Variants in NTNG2 observed in about 807,000 individuals in gnomAD.
The protein encoded by NTNG2 is netrin-G2.
Under a neutral mutation model 47.6 loss-of-function variants are expected in NTNG2, and 15 were observed. That is an observed-to-expected ratio of 0.32 (90% CI 0.21 to 0.49). The LOEUF (loss-of-function observed/expected upper bound fraction) is 0.49, where lower values mean the gene tolerates loss of function less well. Among genes scored for constraint, NTNG2 ranks in the 20% least tolerant of loss-of-function variants. The pLI, the probability that NTNG2 is intolerant of heterozygous loss-of-function variation, is 0.99. For missense variants in NTNG2, 578 were observed against 764.6 expected, an observed-to-expected ratio of 0.76 and a Z score of 2.88; for synonymous variants, 307 against 324.6, an observed-to-expected ratio of 0.95 and a Z score of 0.58.
rs540899831 is a variant in NTNG2, at chr9:132,164,726, G to A, written c.-483-1623G>A. ...CAGGTTCCCCTTTAAACAGCCAGAG[G>A]TGAGACGGGGAAAATGGTCCTGGCT... On this transcript the variant is annotated intron_variant, in intron 1 of 7. Transcript: ENST00000393229. 2.6e-5 allele frequency among the ~76,000 whole-genome samples: 4 copies of A among 152,376 alleles called. No individual in the cohort carries two copies. The South Asian group carries it at 8.3e-4, about 32-fold the overall frequency.
In NTNG2 at chr9:132,200,564, G is replaced by A. The variant is rs551929765; in HGVS notation, c.857+1955G>A. 2.0e-5 allele frequency among the ~76,000 whole-genome samples: 3 copies of A among 152,384 alleles called. No individual in the cohort carries two copies. The South Asian group carries it at 6.2e-4, about 32-fold the overall frequency. The stretch of plus-strand genomic sequence containing the variant: ...GAAGCCCGTTTGCCAGCCATGTGCT[G>A]TGGTGATGCCTGTGCCGTGAGGCTG... On this transcript the variant is annotated intron_variant, in intron 3 of 7. Transcript: ENST00000393229.
intron 3 of NTNG2, among the ~76,000 whole-genome samples, chr9:132,200,400 C>T (rs1459078690): frequency 6.6e-6 from 1 of 152,224 alleles, no homozygotes; most frequent in Admixed American, 6.5e-5. Context: ...AAGTGATTTG[C>T]CGTATGGCAG....
chr9:132,168,826 C>T (rs932985388), intron 2 of NTNG2, among the ~76,000 whole-genome samples: 1 of 152,190 alleles, frequency 6.6e-6, no homozygotes, highest in Non-Finnish European at 1.5e-5. Context: ...ACTGCCTTAA[C>T]GTGCTTGGGG....
intron 3 of NTNG2, among the ~76,000 whole-genome samples, chr9:132,222,144 C>G (rs937945531): frequency 6.6e-6 from 1 of 152,190 alleles, no homozygotes; most frequent in African/African-American, 2.4e-5. Context: ...CTTGTCAGAG[C>G]CTTTAATCTG....
chr9:132,234,120 C>A (rs932497860), intron 5 of NTNG2, among the ~76,000 whole-genome samples: 2 of 151,926 alleles, frequency 1.3e-5, no homozygotes, highest in Admixed American at 6.6e-5. Context: ...CTCCGCCCCC[C>A]CAGGTTCAAG....
intron 2 of NTNG2, among the ~76,000 whole-genome samples, chr9:132,170,205 T>G (rs1192983087): frequency 1.3e-5 from 2 of 152,250 alleles, no homozygotes; most frequent in Non-Finnish European, 2.9e-5. Flanking sequence ...CCAGGCTTCC[T>G]GTCCTTCAGC....
chr9:132,242,548 C>T lies in NTNG2; in HGVS notation c.*437C>T, dbSNP rs1229296254. 2 of 152,340 alleles carry T rather than the reference C, an allele frequency of 1.3e-5. No individual in the cohort carries two copies. Among genetic ancestry groups the T allele is most frequent in the Non-Finnish European group, 2.9e-5 (2 of 68,154 alleles). 9.4% of individuals were successfully genotyped at this position (152,340 alleles called of 1,614,324 possible). The stretch of plus-strand genomic sequence containing the variant: ...ACGGGCGGCGGCGGACCCCGACCTC[C>T]AGTTGCCTACAATTCCAGTCGCTGA... On this transcript the variant is annotated 3_prime_UTR_variant, in exon 8 of 8. Transcript: ENST00000393229. The surrounding 1 kb of genome is among the most constrained non-coding windows in gnomAD (Gnocchi z 5.9).
intron 2 of NTNG2, among the ~76,000 whole-genome samples, chr9:132,191,102 G>A (rs774091373): frequency 2.0e-5 from 3 of 152,216 alleles, no homozygotes; most frequent in Non-Finnish European, 4.4e-5. Context: ...GCCTCCTGTG[G>A]GTTGCTGAGA....
intron 2 of NTNG2, among the ~76,000 whole-genome samples, chr9:132,179,726 G>A (rs1836787623): frequency 6.6e-6 from 1 of 152,228 alleles, no homozygotes; most frequent in Non-Finnish European, 1.5e-5. Flanking sequence ...AGGTCAGAGT[G>A]CAGATGAGGA....
At chr9:132,173,456 T>C (rs993869902) in intron 2 of NTNG2, among the ~76,000 whole-genome samples, 3 of 152,186 alleles carry the variant, frequency 2.0e-5, no homozygotes, top group Admixed American at 2.0e-4. Context: ...ATGGGACATC[T>C]TTCCAAAGAA....
chr9:132,174,021 TGGAC>T, intron 2 of NTNG2, among the ~76,000 whole-genome samples: 1 of 101,178 alleles, frequency 9.9e-6, no homozygotes, highest in South Asian at 3.8e-4. Context: ...GACGGACGGA[TGGAC>T]GGACAGGCAG....
chr9:132,179,152 C>T (rs897312672), intron 2 of NTNG2, among the ~76,000 whole-genome samples: 4 of 151,928 alleles, frequency 2.6e-5, no homozygotes, highest in African/African-American at 9.7e-5. Context: ...GACAGGGGCC[C>T]TCCCCAACCA....
intron 5 of NTNG2, among the ~76,000 whole-genome samples, chr9:132,235,457 A>G (rs910761749): frequency 2.6e-5 from 4 of 152,202 alleles, no homozygotes; most frequent in Non-Finnish European, 5.9e-5. Context: ...CCACAGGCTG[A>G]AATAGTGTAG....
intron 4 of NTNG2, among the ~76,000 whole-genome samples, chr9:132,229,102 C>T (rs1047977629): frequency 6.6e-6 from 1 of 152,078 alleles, no homozygotes; most frequent in Non-Finnish European, 1.5e-5. Context: ...TGGGAGTCCC[C>T]GGGAATTGCC....
Position 132,198,130 on chromosome 9 carries a change from G to A in NTNG2, c.378G>A (p.Ser126=), listed in dbSNP as rs748108838. The part of the protein sequence containing the change: ...PSPLEANITL[S]WNKTVELTDD... ...CGCTGGAAGCCAACATCACCCTTTC[G>A]TGGAACAAGACCGTGGAGCTGACCG... Residue 126 remains serine (S), a synonymous_variant, in exon 3 of 8, where the codon TCG becomes TCA. Transcript: ENST00000393229. 3.1e-6 allele frequency: 5 copies of A among 1,613,842 alleles called. No homozygotes were observed. The highest frequency in any genetic ancestry group is 2.2e-5 in the East Asian group (1 of 44,868).
At chr9:132,189,158 C>A (rs1250747731) in intron 2 of NTNG2, among the ~76,000 whole-genome samples, 2 of 142,440 alleles carry the variant, frequency 1.4e-5, no homozygotes, top group Non-Finnish European at 3.0e-5. Context: ...CTCACTACAG[C>A]CTCGACCTCC....
At chr9:132,230,936 C>T (rs1158575949) in intron 5 of NTNG2, among the ~76,000 whole-genome samples, 3 of 152,034 alleles carry the variant, frequency 2.0e-5, no homozygotes, top group African/African-American at 7.3e-5. Context: ...TGGGTGGGCT[C>T]CCTGCTCCTC....
intron 3 of NTNG2, among the ~76,000 whole-genome samples, chr9:132,209,059 C>G (rs1839388755): frequency 6.6e-6 from 1 of 152,228 alleles, no homozygotes; most frequent in Non-Finnish European, 1.5e-5. Context: ...GCACTGCACA[C>G]CGTGGTCTGT....
chr9:132,186,623 A>G (rs922118205), intron 2 of NTNG2, among the ~76,000 whole-genome samples: 2 of 152,176 alleles, frequency 1.3e-5, no homozygotes. Context: ...CTCGTCCATC[A>G]GGGCAGCCCA....
Sources: gnomAD v4.1 joint callset for allele counts (sites outside exome capture counted in the v4.1 genomes callset) on GRCh38, gnomAD v4.1.1 for gene constraint, Gnocchi (gnomAD v3.1) non-coding constraint, MANE v1.5 for transcripts, NCBI Gene and HGNC (gene_info 2026-07-23, HGNC 2026-07-21) for gene names.